VPS33A: variants seen among roughly 807,000 people sequenced by gnomAD.
The protein encoded by VPS33A is VPS33A core subunit of CORVET and HOPS complexes.
Under a neutral mutation model 71.8 loss-of-function variants are expected in VPS33A, and 32 were observed. The observed-to-expected ratio is 0.45, with a 90% CI of 0.34 to 0.60. The LOEUF is 0.60. Ranked by LOEUF, VPS33A falls within the 20% of genes least tolerant of loss-of-function variation. VPS33A has a pLI of 0.02. For missense variants in VPS33A, 625 were observed against 748.5 expected (o/e 0.84, Z 1.92); for synonymous variants, 311 against 292.7 (o/e 1.06, Z -0.64).
Position 122,263,668 on chromosome 12 carries a change from TTAAG to T in VPS33A, c.196_199del (p.Leu66LysfsTer10). On this transcript the variant is annotated frameshift_variant, in exon 3 of 13. Coordinates refer to ENST00000267199, the MANE Select transcript of VPS33A (RefSeq NM_022916.6). LOFTEE classifies it high-confidence loss of function. ...ATCAGCTGCCGGCAAACGATTTCCT[TTAAG>T]TGTGAACATTTTTTCCACTTCATGT... is the stretch of plus-strand genomic sequence containing the variant. 6.2e-7 allele frequency: 1 copy of T among 1,612,518 alleles called. No homozygotes were observed. Among genetic ancestry groups the T allele is most frequent in the Non-Finnish European group, 8.5e-7 (1 of 1,178,836 alleles).
In VPS33A at chr12:122,251,002, C is replaced by A; in HGVS notation, c.581G>T (p.Gly194Val). The A allele has an allele frequency of 3.7e-6, 6 of 1,613,922 alleles. No individual in the cohort carries two copies. In the South Asian group the frequency reaches 5.5e-5, roughly 15 times the overall value. Residue 194 changes from glycine (G) to valine (V), a missense_variant, in exon 5 of 13, where the codon GGG (glycine) becomes GTG (valine). By Grantham distance (109) the Gly-to-Val change is moderately radical (BLOSUM62 -3). Coordinates refer to ENST00000267199, the MANE Select transcript of VPS33A (RefSeq NM_022916.6). ...TCTCACCCGAGCGCATTCTCCTTTC[C>A]CAAAGATCTGGGGGATCGTTCCATA... ...ALYGTIPQIF[G>V]KGECARQVAN...
chr12:122,241,268 T>A lies in VPS33A; in HGVS notation c.1096+1114A>T, dbSNP rs1336301928. 3.3e-5 allele frequency: 5 copies of A among 152,156 alleles called. No individual in the cohort carries two copies. In the East Asian group the frequency reaches 7.7e-4, roughly 23 times the overall value. The allele number at this position is 152,156 out of a possible 1,614,324, so 9.4% of individuals were successfully genotyped here. ...TTCATATAAATGATAATGAAAAAAT[T>A]TGAGTTAAAAAATGGACCCTTCCTC... On this transcript the variant is annotated intron_variant, in intron 8 of 12. Transcript: ENST00000267199.
chr12:122,263,749 A>G (rs749466875), intron 2 of VPS33A, 50 bp from the exon 3 acceptor site: 6 of 1,511,608 alleles, frequency 4.0e-6, no homozygotes, highest in Non-Finnish European at 5.4e-6. Flanking sequence ...AAATTTACCT[A>G]TAATTTTCAG....
intron 4 of VPS33A, chr12:122,253,054 C>G (rs1954865798): frequency 6.6e-6 from 1 of 152,180 alleles, no homozygotes. Context: ...GGGGTTGTCA[C>G]TTGTCAGGCC....
chr12:122,234,471 T>C (rs1039300157), intron 11 of VPS33A, among the ~76,000 whole-genome samples: 6 of 152,104 alleles, frequency 3.9e-5, no homozygotes, highest in Non-Finnish European at 5.9e-5. Flanking sequence ...TTGTATTTTT[T>C]AGTAGAGACA....
chr12:122,249,200 C>T (rs1425374362), intron 6 of VPS33A: 1 of 152,010 alleles, frequency 6.6e-6, no homozygotes, highest in Non-Finnish European at 1.5e-5. Context: ...TTTTCATGTT[C>T]CACATTTATT....
Position 122,229,758 on chromosome 12 carries a change from G to T in VPS33A, c.*2488C>A, listed in dbSNP as rs200856312. 6.6e-6 allele frequency: 1 copy of T among 152,204 alleles called. No individual in the cohort carries two copies. The highest frequency in any genetic ancestry group is 2.4e-5 in the African/African-American group (1 of 41,460). The allele number at this position is 152,204 out of a possible 1,614,324, so 9.4% of individuals were successfully genotyped here. A position where few individuals can be genotyped will look rare whatever the true frequency, so the allele number is the denominator to read the frequency against. Reference sequence around the variant, plus strand: ...GTATTAAATGAACTTACACAAAGGCGTATAATATATAATTATCTACCATTT... The same window carrying T: ...GTATTAAATGAACTTACACAAAGGCTTATAATATATAATTATCTACCATTT... On this transcript the variant is annotated 3_prime_UTR_variant, in exon 13 of 13. Coordinates refer to ENST00000267199, the MANE Select transcript of VPS33A (RefSeq NM_022916.6).
chr12:122,232,329 C>T lies in VPS33A; in HGVS notation c.1708G>A (p.Gly570Arg). The T allele has an allele frequency of 6.2e-7, 1 of 1,614,194 alleles. No individual in the cohort carries two copies. Among genetic ancestry groups the T allele is most frequent in the African/African-American group, 1.3e-5 (1 of 75,036 alleles). The change falls in exon 13 of 13, where the codon GGA (glycine) becomes AGA (arginine). Residue 570 changes from glycine to arginine, a missense_variant. Transcript: ENST00000267199. ...GTGGCAATGACATATTCTGTACCTC[C>T]ATCTTCCAACTGGGAGAGAAATCGC... Reference protein sequence around the residue: ...ALRFLSQLEDGGTEYVIATTK... With the variant: ...ALRFLSQLEDRGTEYVIATTK...
intron 4 of VPS33A, chr12:122,252,949 C>T (rs1566047721): frequency 1.3e-5 from 2 of 152,074 alleles, no homozygotes; most frequent in Non-Finnish European, 2.9e-5. Flanking sequence ...TACATTTTAT[C>T]AATTCCCTCC....
intron 4 of VPS33A, among the ~76,000 whole-genome samples, chr12:122,254,860 G>C (rs954133210): frequency 6.6e-6 from 1 of 152,036 alleles, no homozygotes; most frequent in African/African-American, 2.4e-5. Context: ...AGACCAGCTT[G>C]GGCCACATGG....
rs547551216 is a variant in VPS33A, at chr12:122,252,337, C to T, written c.484-1238G>A. ...TGGCTGGAGTGCAGTGGCGCGATCT[C>T]GGCTCACTGCAAGCTCCACCTACTG... On this transcript the variant is annotated intron_variant, in intron 4 of 12. Transcript: ENST00000267199. Among the ~76,000 whole-genome samples the T allele has an allele frequency of 4.7e-4, 72 of 151,848 alleles. No homozygotes were observed. In the Middle Eastern group the frequency reaches 0.01, roughly 22 times the overall value.
chr12:122,249,218 T>C (rs572863494), intron 6 of VPS33A: 64 of 152,270 alleles, frequency 4.2e-4, no homozygotes, highest in African/African-American at 1.5e-3. Context: ...ATTATTTTGA[T>C]GGTTCCAAAT....
In VPS33A at chr12:122,249,031, T is replaced by C. The variant is rs1745908393; in HGVS notation, c.775+840A>G. 2.0e-5 allele frequency: 3 copies of C among 152,334 alleles called. No individual in the cohort carries two copies. The South Asian group carries it at 6.2e-4, about 32-fold the overall frequency. 9.4% of individuals were successfully genotyped at this position (152,334 alleles called of 1,614,324 possible). On this transcript the variant is annotated intron_variant, in intron 6 of 12. Transcript: ENST00000267199. ...AGCAGCTTTCTAAAAACTGACCCTT[T>C]GGAGGCATGGTCTGATTATTCCACC...
Position 122,251,115 on chromosome 12 carries a change from C to T in VPS33A, c.484-16G>A. ...GGTAGCACTCCTGTGAGGGAAAAGG[C>T]CAATTATTGCCAGGCCATGGGGGCC... On this transcript the variant is annotated splice_polypyrimidine_tract_variant and intron_variant, in intron 4 of 12. Coordinates refer to ENST00000267199, the MANE Select transcript of VPS33A (RefSeq NM_022916.6). 6.3e-7 allele frequency: 1 copy of T among 1,593,176 alleles called. No individual in the cohort carries two copies. The highest frequency in any genetic ancestry group is 8.6e-7 in the Non-Finnish European group (1 of 1,161,924).
At chr12:122,251,276 C>T (rs1286808301) in intron 4 of VPS33A, among the ~76,000 whole-genome samples, 177 bp from the exon 5 acceptor site, 4 of 152,216 alleles carry the variant, frequency 2.6e-5, no homozygotes, top group Admixed American at 6.5e-5. Flanking sequence ...TCAGACCAGG[C>T]GCTGAGGCTG....
intron 1 of VPS33A, 73 bp downstream of exon 1, chr12:122,266,234 G>T: frequency 6.4e-7 from 1 of 1,563,988 alleles, no homozygotes; most frequent in Non-Finnish European, 8.7e-7. Context: ...GCGAACTCAG[G>T]CGGTCAGGGA....
At chr12:122,244,038 G>A (rs1331862231) in intron 7 of VPS33A, among the ~76,000 whole-genome samples, 2 of 152,072 alleles carry the variant, frequency 1.3e-5, no homozygotes, top group African/African-American at 2.4e-5. Flanking sequence ...TTTCAAAAAG[G>A]AGCCTGAGCA....
In VPS33A at chr12:122,232,390, G is replaced by C; in HGVS notation, c.1647C>G (p.Phe549Leu). ...TTTCAGCGAAGGTTACGCCCCCAAG[G>C]AAAAATATCAGAGTCACTCGGTTTT... is the stretch of plus-strand genomic sequence containing the variant. ...PGENRVTLIF[F>L]LGGVTFAEIA... The change falls in exon 13 of 13, where the codon TTC (phenylalanine) becomes TTG (leucine). Residue 549 changes from phenylalanine to leucine, a missense_variant. By Grantham distance (22) the Phe-to-Leu change is conservative. Coordinates refer to ENST00000267199, the MANE Select transcript of VPS33A (RefSeq NM_022916.6). 1 of 1,613,274 alleles carries C rather than the reference G, an allele frequency of 6.2e-7. No homozygotes were observed. Among genetic ancestry groups the C allele is most frequent in the Non-Finnish European group, 8.5e-7 (1 of 1,179,766 alleles).
At chr12:122,258,464 GA>G (rs1425923022) in intron 4 of VPS33A, among the ~76,000 whole-genome samples, 1 of 152,038 alleles carries the variant, frequency 6.6e-6, no homozygotes, top group Non-Finnish European at 1.5e-5. Context: ...TGTATCTGAG[GA>G]GAGACTTGCA....
Sources: allele counts gnomAD v4.1 joint callset (sites outside exome capture counted in the v4.1 genomes callset), GRCh38; gene constraint gnomAD v4.1.1; transcripts MANE v1.5; gene names NCBI Gene and HGNC (gene_info 2026-07-23, HGNC 2026-07-21).